Variants in DEFB116 observed in about 807,000 individuals in gnomAD.
The protein encoded by DEFB116 is defensin beta 116.
In DEFB116, 5 loss-of-function variants were observed where a neutral mutation model predicts 2.8. That is an observed-to-expected ratio of 1.80 (90% CI 0.94 to 3.79). The LOEUF (loss-of-function observed/expected upper bound fraction) is 3.79, where lower values mean the gene tolerates loss of function less well. Among genes scored for constraint, DEFB116 ranks in the 30% most tolerant of loss-of-function variants. The pLI is 0.00. For missense variants in DEFB116, 170 were observed against 118.0 expected (o/e 1.44, Z -2.04); for synonymous variants, 56 against 40.8 (o/e 1.37, Z -1.42).
intron 1 of DEFB116, among the ~76,000 whole-genome samples, chr20:31,303,764 G>T (rs1568707264): frequency 6.6e-6 from 1 of 152,096 alleles, no homozygotes; most frequent in African/African-American, 2.4e-5. Flanking sequence ...ACAAGTAATT[G>T]AATATTAGAT....
chr20:31,304,669 C>G (rs1984953251), intron 1 of DEFB116, among the ~76,000 whole-genome samples: 1 of 152,034 alleles, frequency 6.6e-6, no homozygotes, highest in Non-Finnish European at 1.5e-5. Context: ...ACAGGGCCTT[C>G]TACAGATTTC....
intron 1 of DEFB116, among the ~76,000 whole-genome samples, chr20:31,308,104 C>T (rs933306274): frequency 6.6e-6 from 1 of 151,964 alleles, no homozygotes; most frequent in Admixed American, 6.6e-5. Flanking sequence ...ATGCTCATCC[C>T]CACTCACTTT....
rs376994268 is a variant in DEFB116, at chr20:31,308,503, G to A, written c.67+16C>T. 13 of 1,613,120 alleles carry A rather than the reference G, an allele frequency of 8.1e-6. No individual in the cohort carries two copies. The highest frequency in any genetic ancestry group is 1.3e-5 in the African/African-American group (1 of 74,890). ...ACATGCAAGACGCCAGAACCTTTGA[G>A]AGAGGCCTGAGTTACCTGGAGTCTT... On this transcript the variant is annotated intron_variant, in intron 1 of 1. Transcript: ENST00000400549.
At chr20:31,304,540 C>G (rs1047077654) in intron 1 of DEFB116, among the ~76,000 whole-genome samples, 3 of 152,054 alleles carry the variant, frequency 2.0e-5, no homozygotes, top group Non-Finnish European at 4.4e-5. Flanking sequence ...CTTGATCAAG[C>G]CAGTATTCAA....
intron 1 of DEFB116, among the ~76,000 whole-genome samples, chr20:31,304,716 C>A (rs532857442): frequency 6.6e-6 from 1 of 152,114 alleles, no homozygotes; most frequent in East Asian, 1.9e-4. Context: ...CATTCAAGGA[C>A]CTTTTCAACC....
chr20:31,303,436 G>T lies in DEFB116; in HGVS notation c.85C>A (p.His29Asn). 1 of 1,613,408 alleles carries T rather than the reference G, an allele frequency of 6.2e-7. No individual in the cohort carries two copies. Among genetic ancestry groups the T allele is most frequent in the East Asian group, 2.2e-5 (1 of 44,860 alleles). Reference protein sequence around the residue: ...QKTPGGLFRSHNGKSREPWNP... With the variant: ...QKTPGGLFRSNNGKSREPWNP... ...CAAGGCTCTCGGCTCTTGCCATTGT[G>T]GGATCTGAACAGGCCACCTGGGAAA... is the stretch of plus-strand genomic sequence containing the variant. The change falls in exon 2 of 2, where the codon CAC (histidine) becomes AAC (asparagine). Residue 29 changes from histidine (H) to asparagine (N), a missense_variant. Physicochemically the swap from His to Asn is moderately conservative, Grantham distance 68. Coordinates refer to ENST00000400549, the MANE Select transcript of DEFB116 (RefSeq NM_001037731.1).
At chr20:31,303,698 T>G (rs1273370289) in intron 1 of DEFB116, among the ~76,000 whole-genome samples, 1 of 152,126 alleles carries the variant, frequency 6.6e-6, no homozygotes, top group Non-Finnish European at 1.5e-5. Flanking sequence ...TTCCTAAGGT[T>G]TTAGTAATGA....
At chr20:31,307,749 AC>A (rs1985025122) in intron 1 of DEFB116, among the ~76,000 whole-genome samples, 1 of 151,986 alleles carries the variant, frequency 6.6e-6, no homozygotes, top group South Asian at 2.1e-4. Context: ...AAGCTTAATC[AC>A]CCCCAAACCC....
At chr20:31,307,477 T>G (rs900902876) in intron 1 of DEFB116, among the ~76,000 whole-genome samples, 3 of 152,012 alleles carry the variant, frequency 2.0e-5, no homozygotes, top group Non-Finnish European at 4.4e-5. Context: ...GGAGAAAACA[T>G]AGAGAAAAAG....
At chr20:31,308,384 C>T in intron 1 of DEFB116, 135 bp downstream of exon 1, 1 of 767,960 alleles carries the variant, frequency 1.3e-6, no homozygotes, top group South Asian at 1.7e-5. Flanking sequence ...TTGGGAATAA[C>T]ATCTGTGACC....
At chr20:31,308,078 T>C (rs1347782403) in intron 1 of DEFB116, among the ~76,000 whole-genome samples, 1 of 151,932 alleles carries the variant, frequency 6.6e-6, no homozygotes. Flanking sequence ...AACCTATAAA[T>C]ACAATTATTC....
chr20:31,304,024 C>A (rs1984940380), intron 1 of DEFB116, among the ~76,000 whole-genome samples: 1 of 152,120 alleles, frequency 6.6e-6, no homozygotes, highest in South Asian at 2.1e-4. Flanking sequence ...CTTACAGAAA[C>A]AGGTACTGTG....
rs1202010223 is a variant in DEFB116, at chr20:31,308,518, C to G, written c.67+1G>C. ...GAACCTTTGAGAGAGGCCTGAGTTACCTGGAGTCTTTTGAGCCAGGATCAT... is the reference window on the plus strand; with the variant it reads ...GAACCTTTGAGAGAGGCCTGAGTTAGCTGGAGTCTTTTGAGCCAGGATCAT... On this transcript the variant is annotated splice_donor_variant, in intron 1 of 1. Coordinates refer to ENST00000400549, the MANE Select transcript of DEFB116 (RefSeq NM_001037731.1). LOFTEE classifies it high-confidence loss of function. 1 of 1,613,428 alleles carries G rather than the reference C, an allele frequency of 6.2e-7. No homozygotes were observed. The highest frequency in any genetic ancestry group is 8.5e-7 in the Non-Finnish European group (1 of 1,179,478).
intron 1 of DEFB116, 117 bp downstream of exon 1, chr20:31,308,402 G>C: frequency 1.1e-6 from 1 of 946,362 alleles, no homozygotes; most frequent in Non-Finnish European, 1.7e-6. Flanking sequence ...ACCCACCTGA[G>C]ACCAGAAAAG....
At position 31,304,370 on chromosome 20, in the gene DEFB116, A is replaced by G. The variant is rs370481400; in HGVS notation, c.68-917T>C. ...TTAGAAAGAAATATTAACAATCACT[A>G]CCATGTACTGTGGTATGGTCCAGCA... On this transcript the variant is annotated intron_variant, in intron 1 of 1. Coordinates refer to ENST00000400549, the MANE Select transcript of DEFB116 (RefSeq NM_001037731.1). Among the ~76,000 whole-genome samples the G allele has an allele frequency of 2.0e-5, 3 of 152,216 alleles. No homozygotes were observed. In the East Asian group the frequency reaches 5.8e-4, roughly 29 times the overall value.
At chr20:31,305,817 C>T (rs1298464743) in intron 1 of DEFB116, among the ~76,000 whole-genome samples, 4 of 151,998 alleles carry the variant, frequency 2.6e-5, no homozygotes, top group Non-Finnish European at 2.9e-5. Flanking sequence ...TTCATAATAA[C>T]CTGGCATATT....
intron 1 of DEFB116, 41 bp downstream of exon 1, chr20:31,308,478 A>C: frequency 6.2e-7 from 1 of 1,604,260 alleles, no homozygotes; most frequent in African/African-American, 1.3e-5. Context: ...TACCAGTACC[A>C]CATGCAAGAC....
chr20:31,303,551 C>G, intron 1 of DEFB116, 98 bp from the exon 2 acceptor site: 10 of 1,481,292 alleles, frequency 6.8e-6, no homozygotes, highest in Non-Finnish European at 9.1e-6. Context: ...ATTAAGGGCA[C>G]AAGATCTGGA....
At chr20:31,304,568 A>G (rs938774336) in intron 1 of DEFB116, among the ~76,000 whole-genome samples, 3 of 152,090 alleles carry the variant, frequency 2.0e-5, no homozygotes, top group Non-Finnish European at 4.4e-5. Flanking sequence ...TCTACATGAC[A>G]TCAAGCCTAT....
Sources: gnomAD v4.1 joint callset for allele counts (sites outside exome capture counted in the v4.1 genomes callset) on GRCh38, gnomAD v4.1.1 for gene constraint, MANE v1.5 for transcripts, NCBI Gene and HGNC (gene_info 2026-07-23, HGNC 2026-07-21) for gene names.